DMD: variants seen among roughly 807,000 people sequenced by gnomAD.
DMD encodes the protein mutant dystrophin.
Under a neutral mutation model 330.1 loss-of-function variants are expected in DMD, and 63 were observed. The ratio of observed to expected loss-of-function variants is 0.19; its 90% CI spans 0.16 to 0.24. The LOEUF is 0.24. DMD is among the 10% of genes least tolerant of loss of function. The pLI is 1.00. For synonymous variants in DMD, 1,223 were observed against 959.8 expected (o/e 1.27, Z -5.07); for missense variants, 3,344 against 2,684.1 (o/e 1.25, Z -5.43).
intron 2 of DMD, among the ~76,000 whole-genome samples, chrX:32,866,137 C>T (rs1001927206): frequency 3.6e-5 from 4 of 111,977 alleles, no homozygotes; most frequent in Admixed American, 9.5e-5. Flanking sequence ...ACAAGTGGAA[C>T]CGAGTCAAGT....
rs183827847 is a variant in DMD at position 32,736,863 on chromosome X, G to A, written c.650-37570C>T. Among the ~76,000 whole-genome samples the A allele has an allele frequency of 5.9e-3, 634 of 107,520 alleles. 5 individuals are homozygous for A. The highest frequency in any genetic ancestry group is 0.028 in the Middle Eastern group (6 of 214). 93.4% of individuals were successfully genotyped at this position (107,520 alleles called of 115,157 possible). A position where few individuals can be genotyped will look rare whatever the true frequency, so the allele number is the denominator to read the frequency against. ...GCGCACCAGCATGGCACATGTATACGTATGTAACTAACCTGCACAATGTGC... is the reference window on the plus strand; with the variant it reads ...GCGCACCAGCATGGCACATGTATACATATGTAACTAACCTGCACAATGTGC... On this transcript the variant is annotated intron_variant, in intron 7 of 78. Transcript: ENST00000357033.
intron 2 of DMD, among the ~76,000 whole-genome samples, chrX:32,898,975 T>C (rs983603833): frequency 8.9e-6 from 1 of 111,987 alleles, no homozygotes; most frequent in Non-Finnish European, 1.9e-5. Flanking sequence ...GATTCACCAG[T>C]AGACAACATG....
intron 44 of DMD, among the ~76,000 whole-genome samples, chrX:31,986,651 C>T (rs766539381): frequency 9.0e-6 from 1 of 111,567 alleles, no homozygotes; most frequent in Non-Finnish European, 1.9e-5. Flanking sequence ...ACCTCGTGAT[C>T]CACCCACCTT....
intron 1 of DMD, among the ~76,000 whole-genome samples, chrX:33,209,285 A>G (rs768054380): frequency 4.8e-4 from 54 of 111,591 alleles, no homozygotes; most frequent in African/African-American, 1.6e-3. Flanking sequence ...ATCAATTTAG[A>G]TCAGCAATCT....
intron 7 of DMD, among the ~76,000 whole-genome samples, chrX:32,779,139 T>C (rs1202892182): frequency 9.0e-6 from 1 of 111,467 alleles, no homozygotes; most frequent in Non-Finnish European, 1.9e-5. Context: ...TAATTGTTCA[T>C]GTATGAATTA....
intron 75 of DMD, among the ~76,000 whole-genome samples, chrX:31,146,954 T>C (rs139251204): frequency 0.011 from 1,277 of 112,090 alleles, 14 homozygotes; most frequent in African/African-American, 0.039. Flanking sequence ...TAATTGTAAA[T>C]GAAATAGTTC....
At chrX:32,385,339 T>C (rs1387323200) in intron 33 of DMD, among the ~76,000 whole-genome samples, 1 of 110,698 alleles carries the variant, frequency 9.0e-6, no homozygotes, top group African/African-American at 3.3e-5. Flanking sequence ...TCTGAGAAAT[T>C]GGATATCCAA....
At chrX:32,526,618 T>C (rs1414729712) in intron 17 of DMD, among the ~76,000 whole-genome samples, 2 of 111,854 alleles carry the variant, frequency 1.8e-5, no homozygotes, top group East Asian at 2.8e-4. Flanking sequence ...ATAAAAATGA[T>C]GTAAATTAGG....
chrX:32,904,132 G>A (rs142540624), intron 2 of DMD, among the ~76,000 whole-genome samples: 15,047 of 111,475 alleles, frequency 0.13, 968 homozygotes, highest in Admixed American at 0.25. Context: ...CAGTAAATGT[G>A]CTGGATGAAT....
At chrX:31,553,102 G>A (rs754744199) in intron 55 of DMD, among the ~76,000 whole-genome samples, 17 of 111,773 alleles carry the variant, frequency 1.5e-4, no homozygotes, top group Non-Finnish European at 2.4e-4. Flanking sequence ...TGTTAGAGAT[G>A]CAAATTCTCA....
chrX:31,351,188 A>G (rs1031158913), intron 60 of DMD, among the ~76,000 whole-genome samples: 36 of 111,362 alleles, frequency 3.2e-4, no homozygotes, highest in African/African-American at 1.1e-3. Flanking sequence ...ACATATACAT[A>G]CATACATACA....
Position 32,869,539 on chromosome X carries a change from A to T in DMD, c.94-19719T>A, listed in dbSNP as rs756193252. 2.9e-5 allele frequency among the ~76,000 whole-genome samples: 3 copies of T among 104,690 alleles called. No individual in the cohort carries two copies. In the South Asian group the frequency reaches 1.3e-3, roughly 47 times the overall value. 90.9% of individuals were successfully genotyped at this position (104,690 alleles called of 115,157 possible). ...ACAGGAGCTGTTAACAAGAATTATCAGTCTAGAGAGTAACATAAATGACCC... is the reference window on the plus strand; with the variant it reads ...ACAGGAGCTGTTAACAAGAATTATCTGTCTAGAGAGTAACATAAATGACCC... On this transcript the variant is annotated intron_variant, in intron 2 of 78. Coordinates refer to ENST00000357033, the MANE Select transcript of DMD (RefSeq NM_004006.3).
At chrX:31,851,499 C>A (rs756065139) in intron 48 of DMD, among the ~76,000 whole-genome samples, 1 of 111,628 alleles carries the variant, frequency 9.0e-6, no homozygotes, top group Non-Finnish European at 1.9e-5. Flanking sequence ...TGGAAGCTCT[C>A]CACCTTAAAG....
At chrX:32,301,180 T>C (rs1023646534) in intron 42 of DMD, among the ~76,000 whole-genome samples, 2 of 94,182 alleles carry the variant, frequency 2.1e-5, no homozygotes, top group African/African-American at 7.9e-5. Context: ...AAAAGCAAAA[T>C]CGCTCTTTCA....
At chrX:32,532,147 AG>A (rs2047541034) in intron 17 of DMD, among the ~76,000 whole-genome samples, 1 of 111,504 alleles carries the variant, frequency 9.0e-6, no homozygotes, top group Non-Finnish European at 1.9e-5. Flanking sequence ...TGGAAAAAAA[AG>A]TTCAATTATA....
At chrX:32,000,438 T>C (rs761495788) in intron 44 of DMD, among the ~76,000 whole-genome samples, 20 of 112,014 alleles carry the variant, frequency 1.8e-4, no homozygotes, top group Admixed American at 3.8e-4. Context: ...CCATCGAAAA[T>C]TGCCTATTTA....
At chrX:32,584,508 C>T (rs1218523232) in intron 13 of DMD, among the ~76,000 whole-genome samples, 5 of 111,501 alleles carry the variant, frequency 4.5e-5, no homozygotes, top group African/African-American at 6.5e-5. Context: ...GTAATGCTTC[C>T]GAACTGGAAA....
At chrX:32,698,703 C>T (rs2147596245) in intron 8 of DMD, among the ~76,000 whole-genome samples, 1 of 111,914 alleles carries the variant, frequency 8.9e-6, no homozygotes, top group South Asian at 3.7e-4. Flanking sequence ...CTTTGTACAT[C>T]ATATTGTCAT....
At chrX:31,266,811 C>A in intron 62 of DMD, 1 of 1,206,837 alleles carries the variant, frequency 8.3e-7, no homozygotes. Context: ...TCCACTTACC[C>A]TTTGAGCTGT....
Sources: allele counts gnomAD v4.1 joint callset (sites outside exome capture counted in the v4.1 genomes callset), GRCh38; gene constraint gnomAD v4.1.1; transcripts MANE v1.5; gene names NCBI Gene and HGNC (gene_info 2026-07-23, HGNC 2026-07-21).